Variants in SIAE observed in about 807,000 individuals in gnomAD.
The protein encoded by SIAE is sialic acid acetylesterase.
In SIAE, 39 loss-of-function variants were observed where a neutral mutation model predicts 52.6. The observed-to-expected ratio is 0.74, with a 90% CI of 0.57 to 0.97. The LOEUF (loss-of-function observed/expected upper bound fraction) is 0.97. Ranked by LOEUF, SIAE falls within the 50% of genes least tolerant of loss-of-function variation. The pLI, the probability that SIAE is intolerant of heterozygous loss-of-function variation, is 0.00. For missense variants in SIAE, 592 were observed against 662.1 expected (o/e 0.89, Z 1.16); for synonymous variants, 233 against 241.4 (o/e 0.97, Z 0.32).
chr11:124,667,954 C>T lies in SIAE; in HGVS notation c.229+1406G>A, dbSNP rs189893115. Among the ~76,000 whole-genome samples, 42 of 152,284 alleles carry T rather than the reference C, an allele frequency of 2.8e-4. No individual in the cohort carries two copies. In the East Asian group the frequency reaches 7.9e-3, roughly 29 times the overall value. On this transcript the variant is annotated intron_variant, in intron 2 of 9. Transcript: ENST00000263593. ...TTGCTTGGATATCACAGCAGCCTGCCCACCACCTCTATCTTACTGATCTCC... is the reference window on the plus strand; with the variant it reads ...TTGCTTGGATATCACAGCAGCCTGCTCACCACCTCTATCTTACTGATCTCC...
intron 2 of SIAE, among the ~76,000 whole-genome samples, chr11:124,662,587 C>T (rs1290597716): frequency 3.3e-5 from 5 of 152,202 alleles, no homozygotes; most frequent in African/African-American, 4.8e-5. Context: ...TTCTAAAACA[C>T]TCTGCTACCC....
intron 3 of SIAE, among the ~76,000 whole-genome samples, chr11:124,657,820 T>C (rs1383132163): frequency 6.6e-6 from 1 of 152,210 alleles, no homozygotes; most frequent in Non-Finnish European, 1.5e-5. Context: ...GATGAAAGCA[T>C]TTCCTCGGGG....
chr11:124,645,121 A>G lies in SIAE; in HGVS notation c.966+2244T>C, dbSNP rs1053054545. ...GCTAGCATCTGAATGCACTTAGTCTAGCTCAGACTCAGTCTGAACCATGAC... is the reference window on the plus strand; with the variant it reads ...GCTAGCATCTGAATGCACTTAGTCTGGCTCAGACTCAGTCTGAACCATGAC... On this transcript the variant is annotated intron_variant, in intron 7 of 9. Transcript: ENST00000263593. The surrounding 1 kb of genome is among the most constrained non-coding windows in gnomAD (Gnocchi z 4.7). Among the ~76,000 whole-genome samples, 1 of 152,234 alleles carries G rather than the reference A, an allele frequency of 6.6e-6. No homozygotes were observed. Among genetic ancestry groups the G allele is most frequent in the Non-Finnish European group, 1.5e-5 (1 of 68,046 alleles).
At position 124,636,964 on chromosome 11, in the gene SIAE, TTGCTC is replaced by T; in HGVS notation, c.1554_1558del (p.Ser519CysfsTer3). On this transcript the variant is annotated frameshift_variant, in exon 10 of 10. Coordinates refer to ENST00000263593, the MANE Select transcript of SIAE (RefSeq NM_170601.5). LOFTEE classifies it high-confidence loss of function. ...ATACTGAAACAGTCATTTAGCAACA[TTGCTC>T]TGATGTCCAGGACCCTGGTCTGTAA... is the stretch of plus-strand genomic sequence containing the variant. 2.5e-6 allele frequency: 4 copies of T among 1,614,168 alleles called. No homozygotes were observed. The highest frequency in any genetic ancestry group is 3.4e-6 in the Non-Finnish European group (4 of 1,180,030).
chr11:124,641,943 G>A (rs529563318), intron 7 of SIAE, among the ~76,000 whole-genome samples: 1 of 145,724 alleles, frequency 6.9e-6, no homozygotes, highest in South Asian at 2.2e-4. Flanking sequence ...CTGGGCAACC[G>A]GGCAAGACTC....
intron 7 of SIAE, among the ~76,000 whole-genome samples, chr11:124,641,264 T>G (rs937694546): frequency 6.6e-6 from 1 of 152,304 alleles, no homozygotes; most frequent in Non-Finnish European, 1.5e-5. Context: ...TCAGAATTCA[T>G]TAAAACAAAT....
chr11:124,657,970 A>G (rs1157737416), intron 3 of SIAE, among the ~76,000 whole-genome samples: 6 of 152,168 alleles, frequency 3.9e-5, no homozygotes, highest in African/African-American at 1.4e-4. Flanking sequence ...CTGCAGTGTT[A>G]TTATTTTTTT....
At chr11:124,663,373 G>A (rs929195357) in intron 2 of SIAE, among the ~76,000 whole-genome samples, 1 of 152,100 alleles carries the variant, frequency 6.6e-6, no homozygotes, top group South Asian at 2.1e-4. Flanking sequence ...TCAAGAGATC[G>A]AGACCATCCT....
intron 2 of SIAE, among the ~76,000 whole-genome samples, chr11:124,667,149 A>AC: frequency 6.6e-6 from 1 of 152,298 alleles, no homozygotes; most frequent in South Asian, 2.1e-4. Context: ...TTATTTTTAA[A>AC]CCACAGCAGT....
chr11:124,675,135 A>C, upstream of SIAE: 1 of 1,191,242 alleles, frequency 8.4e-7, no homozygotes, highest in East Asian at 2.4e-5. Context: ...AAAAGAATTC[A>C]AGTCCAGATG....
rs1241791547 is a variant in SIAE, at chr11:124,638,737, G to A, written c.1125C>T (p.Ser375=). Residue 375 remains serine (S), a splice_region_variant and synonymous_variant, in exon 9 of 10, where the codon AGC becomes AGT. Coordinates refer to ENST00000263593, the MANE Select transcript of SIAE (RefSeq NM_170601.5). ...CAGTCTGTTTATCTCGAGGGTGGAT[G>A]CTACAGGATAAGGAACAAGTAGAGA... The part of the protein sequence containing the change: ...DLCDRDSPFG[S]IHPRDKQTVA... 1 of 1,613,494 alleles carries A rather than the reference G, an allele frequency of 6.2e-7. No individual in the cohort carries two copies. Among genetic ancestry groups the A allele is most frequent in the African/African-American group, 1.3e-5 (1 of 74,886 alleles).
rs1942727198 is a variant in SIAE at position 124,635,939 on chromosome 11, C to CGG, written c.*1011_*1012insCC. 6.6e-6 allele frequency: 1 copy of CGG among 151,760 alleles called. No individual in the cohort carries two copies. The highest frequency in any genetic ancestry group is 1.5e-5 in the Non-Finnish European group (1 of 67,970). The allele number at this position is 151,760 out of a possible 1,614,324, so 9.4% of individuals were successfully genotyped here. A position where few individuals can be genotyped will look rare whatever the true frequency, so the allele number is the denominator to read the frequency against. On this transcript the variant is annotated 3_prime_UTR_variant, in exon 10 of 10. Coordinates refer to ENST00000263593, the MANE Select transcript of SIAE (RefSeq NM_170601.5). ...AAGGCCTCTTTCATATTTGTATCAT[C>CGG]TGCATTTTTTTTTATATGCTTGTCA...
chr11:124,637,416 T>C (rs1168975224), intron 9 of SIAE, among the ~76,000 whole-genome samples: 1 of 152,170 alleles, frequency 6.6e-6, no homozygotes, highest in Admixed American at 6.5e-5. Flanking sequence ...AAATAAATAA[T>C]TTTAATAAAT....
At chr11:124,661,510 T>C (rs762256717) in intron 2 of SIAE, among the ~76,000 whole-genome samples, 4 of 152,226 alleles carry the variant, frequency 2.6e-5, no homozygotes, top group Non-Finnish European at 5.9e-5. Flanking sequence ...AGAAGCTGTC[T>C]GAGACCCTAT....
intron 7 of SIAE, among the ~76,000 whole-genome samples, chr11:124,643,007 C>T (rs556706951): frequency 2.7e-4 from 41 of 152,344 alleles, no homozygotes; most frequent in Non-Finnish European, 4.9e-4. Context: ...CTGACACCTT[C>T]ACTTCCACCC....
chr11:124,639,709 C>A lies in SIAE; in HGVS notation c.1124+1G>T. 2 of 1,614,050 alleles carry A rather than the reference C, an allele frequency of 1.2e-6. No individual in the cohort carries two copies. The highest frequency in any genetic ancestry group is 2.7e-5 in the African/African-American group (2 of 75,050). On this transcript the variant is annotated splice_donor_variant, in intron 8 of 9. Transcript: ENST00000263593. LOFTEE classifies it high-confidence loss of function. Reference sequence around the variant, plus strand: ...ATGCAAAGCCCAAGAAGCAATCATACCTGCCAAAAGGCGAGTCTCTATCAC... The same window carrying A: ...ATGCAAAGCCCAAGAAGCAATCATAACTGCCAAAAGGCGAGTCTCTATCAC...
chr11:124,655,737 T>A (rs774139035), intron 3 of SIAE, among the ~76,000 whole-genome samples: 1 of 152,086 alleles, frequency 6.6e-6, no homozygotes, highest in Non-Finnish European at 1.5e-5. Context: ...CCCCAGCACA[T>A]CAAAATCTGA....
intron 4 of SIAE, among the ~76,000 whole-genome samples, chr11:124,653,501 G>A (rs1943047584): frequency 6.6e-6 from 1 of 152,076 alleles, no homozygotes; most frequent in Admixed American, 6.6e-5. Flanking sequence ...AAGCAAGGAG[G>A]GACATGCAGT....
chr11:124,673,577 G>A, intron 1 of SIAE, 65 bp downstream of exon 1: 1 of 1,559,160 alleles, frequency 6.4e-7, no homozygotes. Context: ...TCCCGCAGAG[G>A]ACACGGGGTC....
Sources: gnomAD v4.1 joint callset for allele counts (sites outside exome capture counted in the v4.1 genomes callset) on GRCh38, gnomAD v4.1.1 for gene constraint, Gnocchi (gnomAD v3.1) non-coding constraint, MANE v1.5 for transcripts, NCBI Gene and HGNC (gene_info 2026-07-23, HGNC 2026-07-21) for gene names.